The following MMD variants were observed in gnomAD, a reference collection of about 807,000 sequenced individuals.
MMD encodes the protein monocyte to macrophage differentiation associated.
A neutral mutation model predicts 33.6 loss-of-function variants in MMD; 22 were observed. That is an observed-to-expected ratio of 0.66 (90% CI 0.47 to 0.94). MMD has a LOEUF of 0.94. Among genes scored for constraint, MMD ranks in the 40% least tolerant of loss-of-function variants. The pLI is 0.00. For synonymous variants in MMD, 97 were observed against 103.2 expected (o/e 0.94, Z 0.36); for missense variants, 242 against 309.8 (o/e 0.78, Z 1.64).
intron 6 of MMD, among the ~76,000 whole-genome samples, chr17:55,400,984 T>C (rs1907305477): frequency 6.6e-6 from 1 of 152,054 alleles, no homozygotes; most frequent in South Asian, 2.1e-4. Flanking sequence ...GACTTACGAC[T>C]TAAAAGCAAG....
At chr17:55,412,028 G>A (rs1231996454) in intron 2 of MMD, among the ~76,000 whole-genome samples, 1 of 152,200 alleles carries the variant, frequency 6.6e-6, no homozygotes, top group Non-Finnish European at 1.5e-5. Context: ...AGTGAGCCAT[G>A]ATTGTACCAC....
intron 4 of MMD, among the ~76,000 whole-genome samples, chr17:55,406,412 G>A (rs1907545974): frequency 6.6e-6 from 1 of 151,830 alleles, no homozygotes; most frequent in African/African-American, 2.4e-5. Flanking sequence ...AACAAACAAA[G>A]AAGCCAGATG....
chr17:55,394,385 G>A lies in MMD; in HGVS notation c.666C>T (p.Ala222=). The A allele has an allele frequency of 6.9e-7, 1 of 1,448,664 alleles. No homozygotes were observed. Among genetic ancestry groups the A allele is most frequent in the Non-Finnish European group, 9.1e-7 (1 of 1,100,388 alleles). The allele number at this position is 1,448,664 out of a possible 1,614,324, so 89.7% of individuals were successfully genotyped here. A position where few individuals can be genotyped will look rare whatever the true frequency, so the allele number is the denominator to read the frequency against. The part of the protein sequence containing the change: ...VATAAAVHYY[A]IWKYLYRSPT... ...GACTTCGGTAAAGGTATTTCCAAAT[G>A]GCGTAGTAATGCACTGCAGCTGCCG... Residue 222 remains alanine, a synonymous_variant, in exon 7 of 7, where the codon GCC becomes GCT. Coordinates refer to ENST00000262065, the MANE Select transcript of MMD (RefSeq NM_012329.3).
chr17:55,410,632 C>T (rs1338057443), intron 3 of MMD, among the ~76,000 whole-genome samples: 1 of 152,208 alleles, frequency 6.6e-6, no homozygotes, highest in Non-Finnish European at 1.5e-5. Context: ...GAATAATATA[C>T]ACAAGACTTA....
intron 6 of MMD, among the ~76,000 whole-genome samples, chr17:55,395,604 G>A (rs574858379): frequency 6.6e-6 from 1 of 152,312 alleles, no homozygotes; most frequent in Admixed American, 6.5e-5. Context: ...GAGGATCTAG[G>A]GCCAGCTGTG....
chr17:55,406,628 C>G (rs1318453403), intron 4 of MMD, among the ~76,000 whole-genome samples: 1 of 152,110 alleles, frequency 6.6e-6, no homozygotes, highest in Non-Finnish European at 1.5e-5. Flanking sequence ...TGACTGTAAT[C>G]CCAACACTTT....
At chr17:55,412,001 T>C (rs1423189117) in intron 2 of MMD, among the ~76,000 whole-genome samples, 1 of 152,146 alleles carries the variant, frequency 6.6e-6, no homozygotes, top group Non-Finnish European at 1.5e-5. Context: ...TGCTTGGGCC[T>C]GAAAGGTTGA....
rs1382282995 is a variant in MMD, at chr17:55,392,913, C to T, written c.*1421G>A. 1 of 151,994 alleles carries T rather than the reference C, an allele frequency of 6.6e-6. No homozygotes were observed. Among genetic ancestry groups the T allele is most frequent in the Non-Finnish European group, 1.5e-5 (1 of 67,976 alleles). 9.4% of individuals were successfully genotyped at this position (151,994 alleles called of 1,614,324 possible). On this transcript the variant is annotated 3_prime_UTR_variant, in exon 7 of 7. Coordinates refer to ENST00000262065, the MANE Select transcript of MMD (RefSeq NM_012329.3). ...AAAATCAGAGAGTTCTAAACATATA[C>T]AAAATAAACCTCTTTTAAAGCCACA...
chr17:55,407,666 A>C, intron 4 of MMD, 80 bp downstream of exon 4: 2 of 1,314,298 alleles, frequency 1.5e-6, no homozygotes, highest in Non-Finnish European at 2.1e-6. Context: ...GGGTGGGGAC[A>C]AGAGGGAGAA....
chr17:55,421,804 A>T lies in MMD; in HGVS notation c.-109T>A, dbSNP rs1908204688. On this transcript the variant is annotated 5_prime_UTR_variant, in exon 1 of 7. Transcript: ENST00000262065. ...TGCTCCGGAGGCCGCCTGCGTGTCCAGCGGAACCCTTCGGCCGGGTAGGGT... is the reference window on the plus strand; with the variant it reads ...TGCTCCGGAGGCCGCCTGCGTGTCCTGCGGAACCCTTCGGCCGGGTAGGGT... The T allele has an allele frequency of 1.1e-5, 14 of 1,278,804 alleles. No individual in the cohort carries two copies. Among genetic ancestry groups the T allele is most frequent in the African/African-American group, 3.2e-5 (2 of 63,468 alleles). The allele number at this position is 1,278,804 out of a possible 1,614,324, so 79.2% of individuals were successfully genotyped here. A position where few individuals can be genotyped will look rare whatever the true frequency, so the allele number is the denominator to read the frequency against.
At chr17:55,419,000 CAG>C (rs1908076665) in intron 1 of MMD, among the ~76,000 whole-genome samples, 1 of 152,168 alleles carries the variant, frequency 6.6e-6, no homozygotes, top group African/African-American at 2.4e-5. Context: ...GTGGTGTGGG[CAG>C]AGAGTTAAGA....
intron 4 of MMD, among the ~76,000 whole-genome samples, chr17:55,406,366 G>T (rs757094193): frequency 3.9e-5 from 6 of 151,938 alleles, no homozygotes; most frequent in Non-Finnish European, 8.8e-5. Context: ...TGTACCCCAG[G>T]CTTGGTGACA....
At chr17:55,396,556 T>C (rs184314814) in intron 6 of MMD, among the ~76,000 whole-genome samples, 47 of 152,352 alleles carry the variant, frequency 3.1e-4, no homozygotes, top group Admixed American at 3.0e-3. Context: ...TTTTATCTTT[T>C]CTCTTGACTA....
chr17:55,414,556 T>TCACACACACACACACACACACA (rs58103743), intron 1 of MMD, among the ~76,000 whole-genome samples: 1 of 122,922 alleles, frequency 8.1e-6, no homozygotes, highest in African/African-American at 3.2e-5. Flanking sequence ...CCTCCTCCAT[T>TCACACACACACACACACACACA]CACACACACA....
At chr17:55,415,351 A>T (rs1907927666) in intron 1 of MMD, among the ~76,000 whole-genome samples, 1 of 152,008 alleles carries the variant, frequency 6.6e-6, no homozygotes, top group South Asian at 2.1e-4. Context: ...AGTCTGTAAG[A>T]CGTCAACAGG....
chr17:55,407,867 G>A (rs1907617212), intron 3 of MMD, 47 bp from the exon 4 acceptor site: 2 of 1,350,332 alleles, frequency 1.5e-6, no homozygotes, highest in African/African-American at 3.0e-5. Flanking sequence ...GTGTTCAGAT[G>A]GGAAGTACGG....
chr17:55,394,309 G>C lies in MMD; in HGVS notation c.*25C>G, dbSNP rs774251793. On this transcript the variant is annotated 3_prime_UTR_variant, in exon 7 of 7. Coordinates refer to ENST00000262065, the MANE Select transcript of MMD (RefSeq NM_012329.3). ...CAAGTGCCATAATTGAAATAATACTGGTTTGGAGAATTAGTACAGATTGGT... is the reference window on the plus strand; with the variant it reads ...CAAGTGCCATAATTGAAATAATACTCGTTTGGAGAATTAGTACAGATTGGT... 1 of 1,325,138 alleles carries C rather than the reference G, an allele frequency of 7.5e-7. No individual in the cohort carries two copies. Among genetic ancestry groups the C allele is most frequent in the South Asian group, 2.8e-5 (1 of 35,800 alleles). 82.1% of individuals were successfully genotyped at this position (1,325,138 alleles called of 1,614,324 possible). A position where few individuals can be genotyped will look rare whatever the true frequency, so the allele number is the denominator to read the frequency against.
At position 55,421,747 on chromosome 17, in the gene MMD, C is replaced by G. The variant is rs777769865; in HGVS notation, c.-52G>C. 6.4e-7 allele frequency: 1 copy of G among 1,556,770 alleles called. No individual in the cohort carries two copies. The highest frequency in any genetic ancestry group is 1.4e-5 in the African/African-American group (1 of 71,414). On this transcript the variant is annotated 5_prime_UTR_variant, in exon 1 of 7. Coordinates refer to ENST00000262065, the MANE Select transcript of MMD (RefSeq NM_012329.3). ...AGGAGCTCCGTCTCGTCAGCACCGG[C>G]GGCCGGGCGCGCGGCCCTCATGGGC... is the stretch of plus-strand genomic sequence containing the variant.
intron 1 of MMD, among the ~76,000 whole-genome samples, chr17:55,419,904 A>G (rs1214950748): frequency 5.9e-5 from 9 of 152,240 alleles, no homozygotes; most frequent in Non-Finnish European, 1.3e-4. Context: ...TTAGTTTTTA[A>G]GTGAATAATA....
Sources: allele counts gnomAD v4.1 joint callset (sites outside exome capture counted in the v4.1 genomes callset), GRCh38; gene constraint gnomAD v4.1.1; transcripts MANE v1.5; gene names NCBI Gene and HGNC (gene_info 2026-07-23, HGNC 2026-07-21).